The following GRIK4 variants were observed in gnomAD, a reference collection of about 807,000 sequenced individuals.
The protein encoded by GRIK4 is glutamate receptor ionotropic, kainate 4.
A neutral mutation model predicts 104.9 loss-of-function variants in GRIK4; 40 were observed. The observed-to-expected ratio is 0.38, with a 90% confidence interval of 0.30 to 0.50. The LOEUF (loss-of-function observed/expected upper bound fraction) is 0.50. Ranked by LOEUF, GRIK4 falls within the 20% of genes least tolerant of loss-of-function variation. The probability of loss-of-function intolerance (pLI) is 0.93; values close to 1 mark genes in which losing one functional copy is unlikely to be tolerated. For synonymous variants in GRIK4, 485 were observed against 524.9 expected (o/e 0.92, Z 1.04); for missense variants, 1,047 against 1,308.1 (o/e 0.80, Z 3.08).
chr11:120,659,546 CAG>C (rs1293118452), intron 2 of GRIK4, among the ~76,000 whole-genome samples: 1 of 152,182 alleles, frequency 6.6e-6, no homozygotes, highest in Non-Finnish European at 1.5e-5. Flanking sequence ...AGCCGAGACA[CAG>C]AGGGGACCTT....
chr11:120,535,457 C>T (rs1381546387), intron 1 of GRIK4, among the ~76,000 whole-genome samples: 1 of 151,904 alleles, frequency 6.6e-6, no homozygotes, highest in East Asian at 1.9e-4. Flanking sequence ...AGGCCGGGAC[C>T]CCCACCCAGG....
chr11:120,643,273 C>G (rs535346577), intron 1 of GRIK4, among the ~76,000 whole-genome samples: 2 of 152,158 alleles, frequency 1.3e-5, no homozygotes, highest in African/African-American at 4.8e-5. Flanking sequence ...GATGAAAGCC[C>G]CCTGAGAGTT....
At chr11:120,597,296 A>G (rs1466830811) in intron 1 of GRIK4, among the ~76,000 whole-genome samples, 3 of 152,232 alleles carry the variant, frequency 2.0e-5, no homozygotes, top group Non-Finnish European at 4.4e-5. Flanking sequence ...CCTTCCCACC[A>G]TGATGAGGAG....
At chr11:120,536,581 T>C (rs534942551) in intron 1 of GRIK4, among the ~76,000 whole-genome samples, 10 of 152,248 alleles carry the variant, frequency 6.6e-5, no homozygotes, top group African/African-American at 2.4e-4. Context: ...GTGACAGATA[T>C]TAACCAAACC....
In GRIK4 at chr11:120,986,232, AAACCACC is replaced by A; in HGVS notation, c.2847_2853del (p.Thr950AlafsTer103). ...AGCGAGGAGAGCCTGGAGTGGGAGA[AAACCACC>A]AACAGCAGCGAGCCCGAGTAGTCCC... On this transcript the variant is annotated frameshift_variant, in exon 21 of 21. Transcript: ENST00000527524. LOFTEE classifies it high-confidence loss of function. 1 of 1,572,324 alleles carries A rather than the reference AAACCACC, an allele frequency of 6.4e-7. No individual in the cohort carries two copies. Among genetic ancestry groups the A allele is most frequent in the Non-Finnish European group, 8.6e-7 (1 of 1,168,912 alleles).
intron 13 of GRIK4, among the ~76,000 whole-genome samples, chr11:120,929,009 G>A (rs1454694869): frequency 2.2e-5 from 3 of 133,610 alleles, no homozygotes; most frequent in Non-Finnish European, 3.3e-5. Flanking sequence ...ACGCGTGTAT[G>A]TGTGTGTGCG....
At chr11:120,921,302 G>A (rs1424612765) in intron 13 of GRIK4, among the ~76,000 whole-genome samples, 1 of 152,174 alleles carries the variant, frequency 6.6e-6, no homozygotes, top group Non-Finnish European at 1.5e-5. Context: ...CCGTCTATTG[G>A]CAGCATTCAG....
In GRIK4 at chr11:120,986,012, A is replaced by G. The variant is rs759979824; in HGVS notation, c.2623A>G (p.Ile875Val). 1 of 1,528,242 alleles carries G rather than the reference A, an allele frequency of 6.5e-7. No individual in the cohort carries two copies. The highest frequency in any genetic ancestry group is 2.1e-5 in the Admixed American group (1 of 48,024). The allele number at this position is 1,528,242 out of a possible 1,614,324, so 94.7% of individuals were successfully genotyped here. A position where few individuals can be genotyped will look rare whatever the true frequency, so the allele number is the denominator to read the frequency against. The change falls in exon 21 of 21, where the codon ATC becomes GTC. Residue 875 changes from isoleucine (I) to valine (V), a missense_variant. Around this residue, in one of 3 missense-constraint regions of GRIK4, gnomAD observed 160 missense variants for 140.9 expected, o/e 1.14. Coordinates refer to ENST00000527524, the MANE Select transcript of GRIK4 (RefSeq NM_014619.5). ...RAAVPPPRPPIPEERRPRGTA... is the reference protein window; with the variant it reads ...RAAVPPPRPPVPEERRPRGTA... ...CGCAGTCCCGCCGCCCCGGCCCCCC[A>G]TCCCCGAGGAGCGCCGACCGCGGGG... is the stretch of plus-strand genomic sequence containing the variant.
intron 3 of GRIK4, among the ~76,000 whole-genome samples, chr11:120,662,237 C>G (rs918213522): frequency 2.6e-5 from 4 of 152,196 alleles, no homozygotes; most frequent in Admixed American, 2.6e-4. Flanking sequence ...CTGAACAATG[C>G]TTGTTCAGCT....
At chr11:120,820,072 C>A in intron 6 of GRIK4, 152 bp downstream of exon 6, 1 of 672,020 alleles carries the variant, frequency 1.5e-6, no homozygotes, top group East Asian at 2.6e-5. Context: ...CATTCCCATG[C>A]TCATGTGTCC....
intron 3 of GRIK4, among the ~76,000 whole-genome samples, chr11:120,742,757 T>C (rs1453519209): frequency 6.6e-6 from 1 of 152,156 alleles, no homozygotes; most frequent in Non-Finnish European, 1.5e-5. Flanking sequence ...AACAATCCCA[T>C]TACTGGGTAT....
At chr11:120,840,261 T>C (rs954946621) in intron 8 of GRIK4, among the ~76,000 whole-genome samples, 1 of 151,978 alleles carries the variant, frequency 6.6e-6, no homozygotes, top group Non-Finnish European at 1.5e-5. Flanking sequence ...ACAGGAAGTA[T>C]GGAGATGAAG....
At chr11:120,622,608 G>A (rs1401637901) in intron 1 of GRIK4, among the ~76,000 whole-genome samples, 1 of 152,188 alleles carries the variant, frequency 6.6e-6, no homozygotes, top group African/African-American at 2.4e-5. Flanking sequence ...TGTCATTATT[G>A]TATTAGTTTC....
Position 120,712,905 on chromosome 11 carries a change from G to A in GRIK4, c.82+52505G>A, listed in dbSNP as rs116963668. Among the ~76,000 whole-genome samples the A allele has an allele frequency of 5.5e-4, 83 of 152,204 alleles. No homozygotes were observed. In the East Asian group the frequency reaches 8.9e-3, roughly 16 times the overall value. ...TTCTTATGTGATTTGATTTTTACCC[G>A]TGTCACTAGCCTGGATCCCTTCTTT... On this transcript the variant is annotated intron_variant, in intron 3 of 20. Transcript: ENST00000527524.
chr11:120,943,127 C>CACAA (rs1311806564), intron 14 of GRIK4, among the ~76,000 whole-genome samples: 1 of 119,662 alleles, frequency 8.4e-6, no homozygotes, highest in Non-Finnish European at 1.6e-5. Flanking sequence ...CACACACACA[C>CACAA]ACACACACAC....
chr11:120,747,797 G>A (rs919839491), intron 3 of GRIK4, among the ~76,000 whole-genome samples: 5 of 152,220 alleles, frequency 3.3e-5, no homozygotes, highest in Non-Finnish European at 7.3e-5. Flanking sequence ...GTGTCTAGAA[G>A]TCAGCTTAGG....
At chr11:120,620,261 C>A in intron 1 of GRIK4, 1 of 745,006 alleles carries the variant, frequency 1.3e-6, no homozygotes. Flanking sequence ...GTTTTCTCCT[C>A]GCCATCCATT....
chr11:120,602,369 G>A (rs1444131495), intron 1 of GRIK4, among the ~76,000 whole-genome samples: 1 of 152,168 alleles, frequency 6.6e-6, no homozygotes, highest in Non-Finnish European at 1.5e-5. Context: ...GGCTCCCCAG[G>A]GGACTGTTCA....
intron 3 of GRIK4, among the ~76,000 whole-genome samples, chr11:120,685,429 C>T (rs979022391): frequency 1.3e-5 from 2 of 152,162 alleles, no homozygotes; most frequent in African/African-American, 2.4e-5. Flanking sequence ...CTCCTGGGTC[C>T]GCCCGTACCC....
Sources: gnomAD v4.1 joint callset for allele counts (sites outside exome capture counted in the v4.1 genomes callset) on GRCh38, gnomAD v4.1.1 for gene constraint, gnomAD v4.1.1 regional missense constraint, MANE v1.5 for transcripts, NCBI Gene and HGNC (gene_info 2026-07-23, HGNC 2026-07-21) for gene names.